The following MYO3B variants were observed in gnomAD, a reference collection of about 807,000 sequenced individuals.
MYO3B encodes the protein myosin IIIB.
Under a neutral mutation model 174.6 loss-of-function variants are expected in MYO3B, and 156 were observed. The observed-to-expected ratio is 0.89, with a 90% CI of 0.78 to 1.02. The LOEUF (loss-of-function observed/expected upper bound fraction) is 1.02. Among genes scored for constraint, MYO3B ranks in the 50% least tolerant of loss-of-function variants. MYO3B has a pLI of 0.00. For synonymous variants in MYO3B, 563 were observed against 569.1 expected (o/e 0.99, Z 0.15); for missense variants, 1,632 against 1,639.4 (o/e 1.00, Z 0.08).
intron 7 of MYO3B, among the ~76,000 whole-genome samples, chr2:170,318,386 C>G (rs141270136): frequency 4.5e-4 from 68 of 152,266 alleles, no homozygotes; most frequent in Non-Finnish European, 9.1e-4. Flanking sequence ...ACTGATTTAA[C>G]TAAATATTAT....
intron 32 of MYO3B, among the ~76,000 whole-genome samples, chr2:170,637,277 T>C (rs897610392): frequency 1.1e-4 from 16 of 151,754 alleles, no homozygotes; most frequent in Non-Finnish European, 2.2e-4. Flanking sequence ...GTTCAAGCGA[T>C]TCTCCTGCCT....
At chr2:170,193,766 T>C (rs1017138361) in intron 1 of MYO3B, among the ~76,000 whole-genome samples, 1 of 152,140 alleles carries the variant, frequency 6.6e-6, no homozygotes, top group African/African-American at 2.4e-5. Context: ...CTTACTGAAA[T>C]TAGTGAGAAA....
intron 1 of MYO3B, among the ~76,000 whole-genome samples, chr2:170,194,893 A>T (rs1042074045): frequency 1.3e-5 from 2 of 152,154 alleles, no homozygotes; most frequent in Non-Finnish European, 2.9e-5. Flanking sequence ...TAAGTCCAAG[A>T]GTCCAAAAGC....
At chr2:170,263,871 G>C (rs375975774) in intron 7 of MYO3B, among the ~76,000 whole-genome samples, 7 of 152,188 alleles carry the variant, frequency 4.6e-5, no homozygotes, top group African/African-American at 1.7e-4. Context: ...GGTATCTCGG[G>C]CTGGGGGACG....
chr2:170,264,725 A>G (rs545389667), intron 7 of MYO3B, among the ~76,000 whole-genome samples: 12 of 152,324 alleles, frequency 7.9e-5, no homozygotes, highest in African/African-American at 2.2e-4. Flanking sequence ...TATTATTACT[A>G]CTGTCTTATG....
chr2:170,241,290 A>G (rs2093130148), intron 7 of MYO3B, among the ~76,000 whole-genome samples: 1 of 152,180 alleles, frequency 6.6e-6, no homozygotes. Flanking sequence ...CTTTGGATGC[A>G]TTATTAGATT....
At chr2:170,452,104 C>T (rs1683627293) in intron 23 of MYO3B, among the ~76,000 whole-genome samples, 1 of 152,050 alleles carries the variant, frequency 6.6e-6, no homozygotes. Context: ...AGCCAAGTAT[C>T]CCTCCATAAC....
intron 7 of MYO3B, among the ~76,000 whole-genome samples, chr2:170,288,033 A>T (rs1324409383): frequency 6.6e-6 from 1 of 151,962 alleles, no homozygotes; most frequent in Non-Finnish European, 1.5e-5. Flanking sequence ...GCTGATTGTA[A>T]ATACATTGAT....
intron 16 of MYO3B, among the ~76,000 whole-genome samples, chr2:170,393,437 G>A (rs1342053724): frequency 1.3e-5 from 2 of 151,838 alleles, no homozygotes; most frequent in African/African-American, 4.8e-5. Context: ...TTAAATATAT[G>A]CTAGGGGTGA....
At chr2:170,557,808 A>G (rs1194592061) in intron 32 of MYO3B, among the ~76,000 whole-genome samples, 4 of 152,124 alleles carry the variant, frequency 2.6e-5, no homozygotes, top group Admixed American at 2.0e-4. Context: ...CAAAACTCAG[A>G]CCTGCAGCGA....
At chr2:170,320,596 T>C (rs2105493477) in intron 7 of MYO3B, among the ~76,000 whole-genome samples, 1 of 152,230 alleles carries the variant, frequency 6.6e-6, no homozygotes, top group Non-Finnish European at 1.5e-5. Flanking sequence ...AGGACAGGGC[T>C]TGAGATATCG....
intron 28 of MYO3B, 138 bp from the exon 29 acceptor site, chr2:170,514,783 A>T: frequency 1.6e-6 from 1 of 632,378 alleles, no homozygotes; most frequent in Non-Finnish European, 2.8e-6. Context: ...CCAAGTTCAT[A>T]AGTGAGATTA....
At chr2:170,232,160 A>G (rs1001095349) in intron 6 of MYO3B, among the ~76,000 whole-genome samples, 9 of 152,176 alleles carry the variant, frequency 5.9e-5, no homozygotes, top group African/African-American at 2.2e-4. Context: ...TCTCCTGGGG[A>G]CAAGGGAAGA....
intron 8 of MYO3B, among the ~76,000 whole-genome samples, chr2:170,352,347 A>T (rs2105605178): frequency 6.6e-6 from 1 of 152,384 alleles, no homozygotes; most frequent in Non-Finnish European, 1.5e-5. Flanking sequence ...TAGTTAAGCA[A>T]ATATGTTAAA....
chr2:170,492,901 T>C (rs556567471), intron 25 of MYO3B, among the ~76,000 whole-genome samples: 3 of 152,340 alleles, frequency 2.0e-5, no homozygotes, highest in South Asian at 4.1e-4. Context: ...CCAGGTCTCA[T>C]AGGACAACTG....
chr2:170,508,332 A>T lies in MYO3B; in HGVS notation c.3370+6467A>T, dbSNP rs78840816. On this transcript the variant is annotated intron_variant, in intron 28 of 34. Transcript: ENST00000408978. ...TACACACTTGAGTTGCCTTTACTCT[A>T]TGTCTTTAAAACAATTTCATGTAGA... is the stretch of plus-strand genomic sequence containing the variant. Among the ~76,000 whole-genome samples the T allele has an allele frequency of 9.2e-3, 1,408 of 152,310 alleles. 46 individuals are homozygous for T. The East Asian group carries it at 0.1, about 11-fold the overall frequency.
chr2:170,372,345 C>T (rs2094255488), intron 9 of MYO3B, among the ~76,000 whole-genome samples: 1 of 152,026 alleles, frequency 6.6e-6, no homozygotes, highest in Non-Finnish European at 1.5e-5. Context: ...AAGTAGTGTA[C>T]AAGGTCTATT....
chr2:170,604,515 C>T (rs558873544), intron 32 of MYO3B, among the ~76,000 whole-genome samples: 1 of 152,232 alleles, frequency 6.6e-6, no homozygotes, highest in African/African-American at 2.4e-5. Context: ...ATTTTACCCT[C>T]ATTTAATGAC....
intron 3 of MYO3B, among the ~76,000 whole-genome samples, chr2:170,208,938 T>C (rs2092743075): frequency 6.6e-6 from 1 of 152,180 alleles, no homozygotes; most frequent in African/African-American, 2.4e-5. Context: ...CAAATACCTG[T>C]GAGTTGGGTG....
Sources: gnomAD v4.1 joint callset for allele counts (sites outside exome capture counted in the v4.1 genomes callset) on GRCh38, gnomAD v4.1.1 for gene constraint, MANE v1.5 for transcripts, NCBI Gene and HGNC (gene_info 2026-07-23, HGNC 2026-07-21) for gene names.